ATRNL1: variants seen among roughly 807,000 people sequenced by gnomAD.
ATRNL1 encodes the protein attractin like 1.
ATRNL1 carries 95 observed loss-of-function variants against 182.7 expected under a neutral mutation model. The observed-to-expected ratio is 0.52, with a 90% CI of 0.44 to 0.62. ATRNL1 has a LOEUF of 0.62. Ranked by LOEUF, ATRNL1 falls within the 20% of genes least tolerant of loss-of-function variation. The pLI is 0.00. For synonymous variants in ATRNL1, 576 were observed against 568.3 expected, an observed-to-expected ratio of 1.01 and a Z score of -0.19; for missense variants, 1,471 against 1,679.5, an observed-to-expected ratio of 0.88 and a Z score of 2.17.
intron 13 of ATRNL1, among the ~76,000 whole-genome samples, chr10:115,274,418 A>G (rs1852011796): frequency 1.3e-5 from 2 of 152,206 alleles, no homozygotes; most frequent in African/African-American, 4.8e-5. Context: ...GCAACAACTT[A>G]ACATTCACCT....
chr10:115,126,435 TACTC>T (rs1490135902), intron 3 of ATRNL1, among the ~76,000 whole-genome samples: 1 of 152,198 alleles, frequency 6.6e-6, no homozygotes, highest in African/African-American at 2.4e-5. Flanking sequence ...TTTTTAGTAA[TACTC>T]ACCTTTATAT....
chr10:115,532,958 T>C (rs1554988827), intron 25 of ATRNL1, among the ~76,000 whole-genome samples: 1 of 150,888 alleles, frequency 6.6e-6, no homozygotes, highest in Non-Finnish European at 1.5e-5. Context: ...ATCCCAGGGA[T>C]GAAGCCCACT....
At chr10:115,534,203 G>A (rs550359417) in intron 25 of ATRNL1, among the ~76,000 whole-genome samples, 1 of 151,082 alleles carries the variant, frequency 6.6e-6, no homozygotes, top group African/African-American at 2.4e-5. Context: ...TGACAGTGGG[G>A]TGTTAAAGTC....
intron 26 of ATRNL1, among the ~76,000 whole-genome samples, chr10:115,723,291 T>C (rs1030090564): frequency 1.3e-5 from 2 of 152,160 alleles, no homozygotes; most frequent in Non-Finnish European, 1.5e-5. Context: ...TGAAGACAAT[T>C]GCAGGCAGAG....
intron 26 of ATRNL1, among the ~76,000 whole-genome samples, chr10:115,594,112 G>A (rs191750245): frequency 7.2e-5 from 11 of 151,884 alleles, no homozygotes; most frequent in South Asian, 4.2e-4. Context: ...CTATACTTTC[G>A]TATACCTATG....
intron 13 of ATRNL1, among the ~76,000 whole-genome samples, chr10:115,277,441 T>C (rs1247808080): frequency 6.6e-6 from 1 of 152,110 alleles, no homozygotes; most frequent in East Asian, 1.9e-4. Context: ...TTAAAGTCTC[T>C]AAGTGGTTAA....
intron 26 of ATRNL1, among the ~76,000 whole-genome samples, chr10:115,645,857 A>G (rs1399014788): frequency 2.6e-5 from 4 of 152,072 alleles, no homozygotes; most frequent in Non-Finnish European, 5.9e-5. Context: ...TTTGAAGTAG[A>G]AAGCTAAAGT....
intron 26 of ATRNL1, among the ~76,000 whole-genome samples, chr10:115,599,756 C>T (rs1278062101): frequency 6.6e-6 from 1 of 152,078 alleles, no homozygotes; most frequent in South Asian, 2.1e-4. Flanking sequence ...TTAGAACTCC[C>T]AAACACCCAC....
At chr10:115,429,912 A>G (rs189546194) in intron 21 of ATRNL1, among the ~76,000 whole-genome samples, 41 of 152,176 alleles carry the variant, frequency 2.7e-4, no homozygotes, top group Admixed American at 5.2e-4. Context: ...CTAAAAATAC[A>G]AAAACAAAAT....
At chr10:115,300,831 C>T (rs2133976241) in intron 16 of ATRNL1, among the ~76,000 whole-genome samples, 1 of 152,236 alleles carries the variant, frequency 6.6e-6, no homozygotes, top group South Asian at 2.1e-4. Flanking sequence ...CACCATTTAG[C>T]TCCAGAACTT....
At chr10:115,757,764 G>T (rs782138980) in intron 27 of ATRNL1, among the ~76,000 whole-genome samples, 1 of 152,054 alleles carries the variant, frequency 6.6e-6, no homozygotes, top group Non-Finnish European at 1.5e-5. Flanking sequence ...TTTCCAACTC[G>T]GTTCCATTCT....
intron 26 of ATRNL1, among the ~76,000 whole-genome samples, chr10:115,658,090 C>CTTTTTTTTT (rs71010038): frequency 1.1e-5 from 1 of 90,304 alleles, no homozygotes; most frequent in Non-Finnish European, 2.0e-5. Context: ...AATTTTTTTC[C>CTTTTTTTTT]TTTTTTTTTT....
chr10:115,744,142 A>AAC (rs1948222506), intron 27 of ATRNL1, among the ~76,000 whole-genome samples: 1 of 152,136 alleles, frequency 6.6e-6, no homozygotes, highest in South Asian at 2.1e-4. Flanking sequence ...GATACATCAT[A>AAC]ACATCTATGT....
In ATRNL1 at chr10:115,180,474, C is replaced by T. The variant is rs147729315; in HGVS notation, c.1348+9182C>T. 8.2e-3 allele frequency among the ~76,000 whole-genome samples: 1,247 copies of T among 151,860 alleles called. 16 individuals carry two copies. Among genetic ancestry groups the T allele is most frequent in the Non-Finnish European group, 0.012 (831 of 67,850 alleles). Reference sequence around the variant, plus strand: ...TCTACCACAATTTATTTACCTATTTCCCTGCTTTTGAGCTTTTGGATTTGG... The same window carrying T: ...TCTACCACAATTTATTTACCTATTTTCCTGCTTTTGAGCTTTTGGATTTGG... On this transcript the variant is annotated intron_variant, in intron 8 of 28. Transcript: ENST00000355044.
At chr10:115,917,036 G>A (rs1172906201) in intron 28 of ATRNL1, among the ~76,000 whole-genome samples, 1 of 152,180 alleles carries the variant, frequency 6.6e-6, no homozygotes, top group African/African-American at 2.4e-5. Flanking sequence ...AGCCTTACAG[G>A]TCGTACAGTC....
chr10:115,154,017 G>A (rs1846377566), intron 5 of ATRNL1, among the ~76,000 whole-genome samples: 1 of 151,380 alleles, frequency 6.6e-6, no homozygotes, highest in Non-Finnish European at 1.5e-5. Flanking sequence ...TAGTTGAGCA[G>A]TTTTGAGTGA....
At chr10:115,153,104 C>G (rs1554881112) in intron 5 of ATRNL1, among the ~76,000 whole-genome samples, 1 of 152,094 alleles carries the variant, frequency 6.6e-6, no homozygotes, top group Non-Finnish European at 1.5e-5. Flanking sequence ...TGATGTGTTG[C>G]TGGATTCGGT....
intron 8 of ATRNL1, among the ~76,000 whole-genome samples, chr10:115,199,572 AT>A (rs1171375007): frequency 5.3e-5 from 8 of 152,058 alleles, no homozygotes; most frequent in Non-Finnish European, 8.8e-5. Flanking sequence ...AAAAAAAAAA[AT>A]TCAATAGTTA....
At chr10:115,266,203 G>A (rs1002453143) in intron 11 of ATRNL1, among the ~76,000 whole-genome samples, 1 of 151,520 alleles carries the variant, frequency 6.6e-6, no homozygotes, top group Non-Finnish European at 1.5e-5. Context: ...GCACTGCTTG[G>A]TATTAATTTA....
Sources: allele counts gnomAD v4.1 joint callset (sites outside exome capture counted in the v4.1 genomes callset), GRCh38; gene constraint gnomAD v4.1.1; transcripts MANE v1.5; gene names NCBI Gene and HGNC (gene_info 2026-07-23, HGNC 2026-07-21).